The following PLBD2 variants were observed in gnomAD, a reference collection of about 807,000 sequenced individuals.
PLBD2 encodes the protein putative aminopeptidase PLBD2.
In PLBD2, 51 loss-of-function variants were observed where a neutral mutation model predicts 68.3. That is an observed-to-expected ratio of 0.75 (90% CI 0.60 to 0.94). PLBD2 has a LOEUF of 0.94. Ranked by LOEUF, PLBD2 falls within the 40% of genes least tolerant of loss-of-function variation. The pLI, the probability that PLBD2 is intolerant of heterozygous loss-of-function variation, is 0.00. For missense variants in PLBD2, 729 were observed against 792.2 expected (o/e 0.92, Z 0.96); for synonymous variants, 314 against 339.3 (o/e 0.93, Z 0.82).
chr12:113,363,538 T>C (rs927521213), intron 1 of PLBD2, among the ~76,000 whole-genome samples: 1 of 127,406 alleles, frequency 7.8e-6, no homozygotes, highest in Non-Finnish European at 1.8e-5. Flanking sequence ...CATTTTTAGC[T>C]TTTTTTTTTT....
chr12:113,382,835 T>TTTG lies in PLBD2; in HGVS notation c.958-1269_958-1268insTGT, dbSNP rs1335785271. 2.6e-3 allele frequency among the ~76,000 whole-genome samples: 282 copies of TTTG among 106,552 alleles called. 1 individual carries two copies. Among genetic ancestry groups the TTTG allele is most frequent in the African/African-American group, 0.01 (265 of 26,080 alleles). 69.9% of individuals were successfully genotyped at this position (106,552 alleles called of 152,430 possible). A position where few individuals can be genotyped will look rare whatever the true frequency, so the allele number is the denominator to read the frequency against. ...TGGGGGTGGTGGTGGTGGTGGTTTT[T>TTTG]TGTGTGTGTGTGTGTGTGTGTGTGT... is the stretch of plus-strand genomic sequence containing the variant. On this transcript the variant is annotated intron_variant, in intron 6 of 11. Coordinates refer to ENST00000280800, the MANE Select transcript of PLBD2 (RefSeq NM_173542.4).
chr12:113,387,524 G>T (rs749275444), intron 10 of PLBD2, among the ~76,000 whole-genome samples: 1 of 152,190 alleles, frequency 6.6e-6, no homozygotes, highest in Non-Finnish European at 1.5e-5. Flanking sequence ...CTTCCCTGAG[G>T]ATGAGTGCCT....
At chr12:113,368,702 C>T (rs909713276) in intron 1 of PLBD2, among the ~76,000 whole-genome samples, 1 of 152,080 alleles carries the variant, frequency 6.6e-6, no homozygotes, top group Admixed American at 6.6e-5. Flanking sequence ...TTAATTTCCT[C>T]CTCTTCTGCA....
intron 5 of PLBD2, among the ~76,000 whole-genome samples, chr12:113,378,149 G>T (rs535954704): frequency 4.5e-4 from 68 of 152,254 alleles, no homozygotes; most frequent in African/African-American, 1.5e-3. Flanking sequence ...AAAACTAGCT[G>T]GGCGTGGTGG....
At chr12:113,386,268 A>C (rs928647450) in intron 9 of PLBD2, among the ~76,000 whole-genome samples, 10 of 152,154 alleles carry the variant, frequency 6.6e-5, no homozygotes, top group African/African-American at 2.4e-4. Flanking sequence ...AGCTTGCTGC[A>C]ACCTCTGCTT....
chr12:113,360,141 C>T (rs73194889), intron 1 of PLBD2, among the ~76,000 whole-genome samples: 4 of 152,214 alleles, frequency 2.6e-5, no homozygotes, highest in Admixed American at 6.5e-5. Flanking sequence ...ATCAAGTAGA[C>T]GTGAGATTTG....
chr12:113,369,056 T>C, intron 1 of PLBD2, 60 bp from the exon 2 acceptor site: 1 of 1,155,498 alleles, frequency 8.7e-7, no homozygotes, highest in Non-Finnish European at 1.3e-6. Flanking sequence ...AGCCTGGAGA[T>C]GCCATGTGTC....
intron 1 of PLBD2, among the ~76,000 whole-genome samples, chr12:113,368,163 C>CAT (rs1414512440): frequency 6.6e-6 from 1 of 152,120 alleles, no homozygotes; most frequent in Non-Finnish European, 1.5e-5. Flanking sequence ...AGGTAACCTG[C>CAT]ATATATACAT....
At chr12:113,371,761 C>T (rs565330624) in intron 2 of PLBD2, among the ~76,000 whole-genome samples, 1 of 152,350 alleles carries the variant, frequency 6.6e-6, no homozygotes, top group South Asian at 2.1e-4. Flanking sequence ...GGCTTGGGCC[C>T]AGAGAGGTGA....
chr12:113,380,036 C>T (rs981689603), intron 5 of PLBD2, among the ~76,000 whole-genome samples: 3 of 152,164 alleles, frequency 2.0e-5, no homozygotes, highest in Admixed American at 1.3e-4. Context: ...CTATAATCAT[C>T]TCTAGATTAC....
At chr12:113,367,760 A>G (rs1010917065) in intron 1 of PLBD2, among the ~76,000 whole-genome samples, 2 of 125,816 alleles carry the variant, frequency 1.6e-5, no homozygotes, top group African/African-American at 6.8e-5. Flanking sequence ...AAAAAAAAAA[A>G]AAAAAGAAAA....
chr12:113,385,138 C>G (rs1198319461), intron 8 of PLBD2, 74 bp from the exon 9 acceptor site: 2 of 1,519,338 alleles, frequency 1.3e-6, no homozygotes, highest in Non-Finnish European at 1.8e-6. Flanking sequence ...GCCATCGGGG[C>G]TCCCCGAGCA....
At chr12:113,363,525 A>G (rs1043669147) in intron 1 of PLBD2, among the ~76,000 whole-genome samples, 1 of 151,944 alleles carries the variant, frequency 6.6e-6, no homozygotes, top group Non-Finnish European at 1.5e-5. Flanking sequence ...TCCTAGATAT[A>G]AACATTTTTA....
At chr12:113,368,306 C>T (rs1004393002) in intron 1 of PLBD2, among the ~76,000 whole-genome samples, 4 of 152,138 alleles carry the variant, frequency 2.6e-5, no homozygotes, top group Non-Finnish European at 5.9e-5. Context: ...ATAAACCAGC[C>T]CCAATCCAGC....
chr12:113,377,829 AT>A (rs911274061), intron 5 of PLBD2, among the ~76,000 whole-genome samples: 1 of 152,186 alleles, frequency 6.6e-6, no homozygotes, highest in African/African-American at 2.4e-5. Context: ...ATTGCTATAT[AT>A]CCATTAAAAT....
At chr12:113,364,890 C>G (rs190364389) in intron 1 of PLBD2, among the ~76,000 whole-genome samples, 1 of 152,244 alleles carries the variant, frequency 6.6e-6, no homozygotes, top group East Asian at 1.9e-4. Flanking sequence ...ACCGAGGCCC[C>G]GAGAGGTAAA....
At chr12:113,377,863 C>T (rs1957448877) in intron 5 of PLBD2, among the ~76,000 whole-genome samples, 1 of 152,202 alleles carries the variant, frequency 6.6e-6, no homozygotes, top group African/African-American at 2.4e-5. Flanking sequence ...TAAAAACATA[C>T]TGTATAAGTC....
At chr12:113,379,047 G>A (rs1012542058) in intron 5 of PLBD2, among the ~76,000 whole-genome samples, 7 of 152,114 alleles carry the variant, frequency 4.6e-5, no homozygotes, top group Non-Finnish European at 7.4e-5. Context: ...GGTGGCTCAT[G>A]CCTATAATTC....
chr12:113,376,237 C>T (rs1194846520), intron 5 of PLBD2, among the ~76,000 whole-genome samples: 1 of 149,252 alleles, frequency 6.7e-6, no homozygotes, highest in African/African-American at 2.5e-5. Context: ...AATCTCAGCT[C>T]ACTGTGACCT....
Sources: allele counts gnomAD v4.1 joint callset (sites outside exome capture counted in the v4.1 genomes callset), GRCh38; gene constraint gnomAD v4.1.1; transcripts MANE v1.5; gene names NCBI Gene and HGNC (gene_info 2026-07-23, HGNC 2026-07-21).